L3MBTL4: variants seen among roughly 807,000 people sequenced by gnomAD.
L3MBTL4 encodes L3MBTL histone methyl-lysine binding protein 4, also known as lethal(3)malignant brain tumor-like protein 4.
Under a neutral mutation model 84.5 loss-of-function variants are expected in L3MBTL4, and 70 were observed. The ratio of observed to expected loss-of-function variants is 0.83; its 90% CI spans 0.68 to 1.01. The LOEUF (loss-of-function observed/expected upper bound fraction) is 1.01. Ranked by LOEUF, L3MBTL4 falls within the 50% of genes least tolerant of loss-of-function variation. The pLI is 0.00. For synonymous variants in L3MBTL4, 274 were observed against 259.8 expected, an observed-to-expected ratio of 1.05 and a Z score of -0.52; for missense variants, 715 against 754.8, an observed-to-expected ratio of 0.95 and a Z score of 0.62.
chr18:6,055,884 CT>C (rs2057005041), intron 16 of L3MBTL4, among the ~76,000 whole-genome samples: 1 of 152,026 alleles, frequency 6.6e-6, no homozygotes, highest in African/African-American at 2.4e-5. Context: ...TGTCCTCAGC[CT>C]CTTCTCTGTA....
At chr18:5,987,702 A>C (rs1213753421) in intron 16 of L3MBTL4, among the ~76,000 whole-genome samples, 1 of 151,724 alleles carries the variant, frequency 6.6e-6, no homozygotes, top group Non-Finnish European at 1.5e-5. Flanking sequence ...GAATTTACTA[A>C]AAATAGGTTA....
chr18:6,090,790 A>ATT (rs71370543), intron 15 of L3MBTL4, among the ~76,000 whole-genome samples: 35,523 of 129,504 alleles, frequency 0.27, 5,672 homozygotes, highest in African/African-American at 0.47. Flanking sequence ...ACACCCACCT[A>ATT]TTTTTTTTTT....
chr18:6,252,524 C>A (rs1434569194), intron 5 of L3MBTL4, among the ~76,000 whole-genome samples: 1 of 152,076 alleles, frequency 6.6e-6, no homozygotes, highest in Non-Finnish European at 1.5e-5. Context: ...TTGAGTGGTT[C>A]ATCTAGAGAG....
chr18:6,124,810 G>T (rs1434056906), intron 14 of L3MBTL4, among the ~76,000 whole-genome samples: 1 of 152,114 alleles, frequency 6.6e-6, no homozygotes, highest in Non-Finnish European at 1.5e-5. Context: ...CAGTAAAGGT[G>T]CATGGTAGTT....
intron 1 of L3MBTL4, among the ~76,000 whole-genome samples, chr18:6,352,393 T>G (rs973992672): frequency 6.6e-6 from 1 of 152,238 alleles, no homozygotes; most frequent in African/African-American, 2.4e-5. Flanking sequence ...ATTATAAATA[T>G]TTACCTTTAG....
chr18:6,218,939 A>G (rs1452485270), intron 10 of L3MBTL4, among the ~76,000 whole-genome samples: 2 of 152,156 alleles, frequency 1.3e-5, no homozygotes, highest in Non-Finnish European at 2.9e-5. Context: ...TACTTGAGAC[A>G]AGAATGAAAT....
intron 4 of L3MBTL4, among the ~76,000 whole-genome samples, chr18:6,275,839 G>T (rs747652572): frequency 2.6e-5 from 4 of 152,190 alleles, no homozygotes; most frequent in Non-Finnish European, 4.4e-5. Flanking sequence ...TAAGTACTGT[G>T]AAAGGAAAAG....
At chr18:6,159,468 C>G (rs1193098265) in intron 13 of L3MBTL4, among the ~76,000 whole-genome samples, 1 of 152,160 alleles carries the variant, frequency 6.6e-6, no homozygotes, top group East Asian at 1.9e-4. Context: ...TATTCCACAC[C>G]CCTATCTTTG....
intron 16 of L3MBTL4, among the ~76,000 whole-genome samples, chr18:5,993,194 C>T (rs1030321202): frequency 6.6e-6 from 1 of 152,242 alleles, no homozygotes; most frequent in African/African-American, 2.4e-5. Flanking sequence ...TAAACACCGT[C>T]CTCTGTTTCT....
intron 15 of L3MBTL4, among the ~76,000 whole-genome samples, chr18:6,082,694 T>C (rs544671250): frequency 2.0e-5 from 3 of 152,318 alleles, no homozygotes; most frequent in Non-Finnish European, 2.9e-5. Flanking sequence ...CTGCCACATA[T>C]AAAACTTTTA....
chr18:5,964,039 T>C (rs592718), intron 17 of L3MBTL4, among the ~76,000 whole-genome samples: 93,487 of 152,078 alleles, frequency 0.61, 29,546 homozygotes, highest in East Asian at 0.92. Context: ...GGGCAGTGCC[T>C]GGTGGCATGG....
intron 15 of L3MBTL4, among the ~76,000 whole-genome samples, chr18:6,089,462 T>A (rs1308534118): frequency 6.6e-6 from 1 of 152,206 alleles, no homozygotes; most frequent in Non-Finnish European, 1.5e-5. Flanking sequence ...AGACGCATCA[T>A]AAGGTGACTC....
intron 14 of L3MBTL4, among the ~76,000 whole-genome samples, chr18:6,111,756 T>C (rs2059202598): frequency 6.6e-6 from 1 of 152,174 alleles, no homozygotes; most frequent in South Asian, 2.1e-4. Flanking sequence ...CTGTGCACAG[T>C]ATGATGTCTT....
chr18:6,158,310 T>C (rs190957243), intron 13 of L3MBTL4, among the ~76,000 whole-genome samples: 2 of 152,344 alleles, frequency 1.3e-5, no homozygotes, highest in African/African-American at 4.8e-5. Flanking sequence ...ATTGCTATTC[T>C]TTAGATAATA....
chr18:6,377,322 T>A (rs555197737), intron 1 of L3MBTL4, among the ~76,000 whole-genome samples: 7 of 152,336 alleles, frequency 4.6e-5, no homozygotes, highest in East Asian at 3.9e-4. Context: ...TTGGTTTTTT[T>A]AATTATTATT....
At chr18:6,206,839 A>G (rs546467112) in intron 12 of L3MBTL4, among the ~76,000 whole-genome samples, 1 of 152,336 alleles carries the variant, frequency 6.6e-6, no homozygotes, top group South Asian at 2.1e-4. Context: ...AATTGATCTA[A>G]AACTAGATTG....
chr18:6,327,450 T>C (rs1452697263), intron 1 of L3MBTL4, among the ~76,000 whole-genome samples: 1 of 152,226 alleles, frequency 6.6e-6, no homozygotes, highest in African/African-American at 2.4e-5. Context: ...TACAGTGATA[T>C]ATATTCTATC....
At chr18:6,141,462 T>C (rs74829923) in intron 13 of L3MBTL4, among the ~76,000 whole-genome samples, 2,582 of 152,222 alleles carry the variant, frequency 0.017, 80 homozygotes, top group African/African-American at 0.058. Flanking sequence ...AGTTATTTCT[T>C]AAAGTCATTT....
At chr18:6,063,299 C>CTGTGTG (rs61413638) in intron 16 of L3MBTL4, among the ~76,000 whole-genome samples, 3,317 of 141,178 alleles carry the variant, frequency 0.023, 87 homozygotes, top group African/African-American at 0.059. Flanking sequence ...CTATAAATAT[C>CTGTGTG]TGTGTGTGTG....
Sources: allele counts gnomAD v4.1 joint callset (sites outside exome capture counted in the v4.1 genomes callset), GRCh38; gene constraint gnomAD v4.1.1; transcripts MANE v1.5; gene names NCBI Gene and HGNC (gene_info 2026-07-23, HGNC 2026-07-21).